The following SLC7A2 variants were observed in gnomAD, a reference collection of about 807,000 sequenced individuals.
The protein encoded by SLC7A2 is solute carrier family 7 member 2.
Under a neutral mutation model 58.9 loss-of-function variants are expected in SLC7A2, and 48 were observed. The observed-to-expected ratio is 0.82, with a 90% CI of 0.65 to 1.04. The LOEUF is 1.04. Among genes scored for constraint, SLC7A2 ranks in the 50% least tolerant of loss-of-function variants. The probability of loss-of-function intolerance (pLI) is 0.00; values close to 1 mark genes in which losing one functional copy is unlikely to be tolerated. For synonymous variants in SLC7A2, 363 were observed against 314.5 expected, an observed-to-expected ratio of 1.15 and a Z score of -1.63; for missense variants, 1,029 against 818.8, an observed-to-expected ratio of 1.26 and a Z score of -3.13.
chr8:17,517,507 A>G (rs1028101520), intron 2 of SLC7A2, among the ~76,000 whole-genome samples: 1 of 152,220 alleles, frequency 6.6e-6, no homozygotes, highest in Admixed American at 6.5e-5. Context: ...TGCTTATTGT[A>G]GGTAACCTTC....
Position 17,543,530 on chromosome 8 carries a change from C to T in SLC7A2, c.191C>T (p.Ser64Leu), listed in dbSNP as rs138935324. 61 of 1,613,126 alleles carry T rather than the reference C, an allele frequency of 3.8e-5. No individual in the cohort carries two copies. The highest frequency in any genetic ancestry group is 5.0e-5 in the Non-Finnish European group (59 of 1,179,558). Residue 64 changes from serine to leucine, a missense_variant, in exon 3 of 13, where the codon TCG becomes TTG. Transcript: ENST00000494857. ...VLAGEVAKAD[S>L]GPSIVVSFLI... ...GCTGGGGAGGTGGCCAAGGCAGACT[C>T]GGGCCCCAGCATCGTGGTGTCCTTC...
intron 2 of SLC7A2, among the ~76,000 whole-genome samples, chr8:17,538,471 T>C (rs1444378303): frequency 6.6e-6 from 1 of 152,240 alleles, no homozygotes. Flanking sequence ...TAATCAAGGC[T>C]GAACAGTTAC....
chr8:17,511,814 A>G (rs992747380), intron 2 of SLC7A2, among the ~76,000 whole-genome samples: 4 of 152,146 alleles, frequency 2.6e-5, no homozygotes, highest in Non-Finnish European at 4.4e-5. Context: ...TTAGACTCTG[A>G]AAGTTAAAAT....
At position 17,568,766 on chromosome 8, in the gene SLC7A2, C is replaced by G. The variant is rs1042111241; in HGVS notation, c.*3620C>G. On this transcript the variant is annotated 3_prime_UTR_variant, in exon 13 of 13. Coordinates refer to ENST00000494857, the MANE Select transcript of SLC7A2 (RefSeq NM_001370338.1). ...ATCGCTTGAGCCCAGGAGTTTAAGA[C>G]CGGCCTGAGTAGCATAGCAAGACCC... The G allele has an allele frequency of 6.6e-6, 1 of 151,752 alleles. No homozygotes were observed. The highest frequency in any genetic ancestry group is 2.4e-5 in the African/African-American group (1 of 41,260). The allele number at this position is 151,752 out of a possible 1,614,324, so 9.4% of individuals were successfully genotyped here.
At chr8:17,536,112 A>C (rs928258725) in intron 2 of SLC7A2, among the ~76,000 whole-genome samples, 12 of 147,958 alleles carry the variant, frequency 8.1e-5, no homozygotes, top group Non-Finnish European at 1.2e-4. Context: ...TTGGCACAAA[A>C]AAAAAAAAAA....
chr8:17,560,126 A>T (rs1802894632), intron 9 of SLC7A2, among the ~76,000 whole-genome samples: 1 of 151,224 alleles, frequency 6.6e-6, no homozygotes, highest in African/African-American at 2.4e-5. Flanking sequence ...CTACTGGGGG[A>T]AATTGGGGTA....
At position 17,550,628 on chromosome 8, in the gene SLC7A2, A is replaced by G. The variant is rs76060851; in HGVS notation, c.832+194A>G. ...AACTCTCTGCCCTTGGTTTCCAGTT[A>G]GTAAGTTTGGGAGAGCAATTCCTAC... On this transcript the variant is annotated intron_variant, in intron 6 of 12. Coordinates refer to ENST00000494857, the MANE Select transcript of SLC7A2 (RefSeq NM_001370338.1). Among the ~76,000 whole-genome samples, 7,561 of 152,308 alleles carry G rather than the reference A, an allele frequency of 0.05. 367 individuals carry two copies. The highest frequency in any genetic ancestry group is 0.12 in the African/African-American group (4,951 of 41,550).
rs371390500 is a variant in SLC7A2 at position 17,530,059 on chromosome 8, C to T, written c.-22-13259C>T. ...ACCCTCTTATCTCTCTTGCCGGCTT[C>T]TCTTGGCAGGTGAATGAGCGGGAGG... On this transcript the variant is annotated intron_variant, in intron 2 of 12. Transcript: ENST00000494857. Among the ~76,000 whole-genome samples the T allele has an allele frequency of 7.2e-5, 11 of 152,254 alleles. No individual in the cohort carries two copies. The East Asian group carries it at 2.1e-3, about 29-fold the overall frequency.
upstream of SLC7A2, among the ~76,000 whole-genome samples, chr8:17,496,048 C>G (rs746149068): frequency 1.8e-4 from 28 of 152,226 alleles, no homozygotes; most frequent in Non-Finnish European, 3.7e-4. Context: ...AAATCTGGCA[C>G]TTTGCCAAAG....
chr8:17,548,984 C>G, intron 5 of SLC7A2, 141 bp downstream of exon 5: 1 of 725,404 alleles, frequency 1.4e-6, no homozygotes, highest in Non-Finnish European at 2.2e-6. Flanking sequence ...TTAATGGACT[C>G]ACAGTTCCAC....
chr8:17,560,527 T>C lies in SLC7A2; in HGVS notation c.1498T>C (p.Phe500Leu). 1 of 1,613,258 alleles carries C rather than the reference T, an allele frequency of 6.2e-7. No homozygotes were observed. ...SASLVSFLVG[F>L]LAFLVLGLSV... is the part of the protein sequence containing the mutation. ...TTCTCTCGTGAGCTTTCTGGTAGGA[T>C]TCCTAGGTAAGTCTTCTTCTCTGCT... Residue 500 changes from phenylalanine to leucine, a missense_variant, in exon 10 of 13, where the codon TTC (phenylalanine) becomes CTC (leucine). Transcript: ENST00000494857.
chr8:17,533,568 T>A (rs1238726509), intron 2 of SLC7A2, among the ~76,000 whole-genome samples: 1 of 152,180 alleles, frequency 6.6e-6, no homozygotes, highest in Non-Finnish European at 1.5e-5. Context: ...GGGATACACT[T>A]TGGCTCTCTT....
At chr8:17,559,775 T>G (rs954857753) in intron 9 of SLC7A2, among the ~76,000 whole-genome samples, 5 of 152,098 alleles carry the variant, frequency 3.3e-5, no homozygotes, top group Non-Finnish European at 7.4e-5. Flanking sequence ...GCTGATGTCT[T>G]GATATAAGCT....
intron 2 of SLC7A2, among the ~76,000 whole-genome samples, chr8:17,524,595 G>T (rs1319816563): frequency 6.6e-6 from 1 of 152,052 alleles, no homozygotes; most frequent in African/African-American, 2.4e-5. Context: ...AGTCACATGT[G>T]GGAGCTAAGC....
In SLC7A2 at chr8:17,568,360, T is replaced by C. The variant is rs1259567518; in HGVS notation, c.*3214T>C. On this transcript the variant is annotated 3_prime_UTR_variant, in exon 13 of 13. Coordinates refer to ENST00000494857, the MANE Select transcript of SLC7A2 (RefSeq NM_001370338.1). ...ATGAGGAAAACTTATATTAGAACTTTTGATATATACTAAAATACTGATTAT... is the reference window on the plus strand; with the variant it reads ...ATGAGGAAAACTTATATTAGAACTTCTGATATATACTAAAATACTGATTAT... 6.6e-6 allele frequency: 1 copy of C among 152,140 alleles called. No individual in the cohort carries two copies. Among genetic ancestry groups the C allele is most frequent in the Admixed American group, 6.5e-5 (1 of 15,274 alleles). The allele number at this position is 152,140 out of a possible 1,614,324, so 9.4% of individuals were successfully genotyped here. A position where few individuals can be genotyped will look rare whatever the true frequency, so the allele number is the denominator to read the frequency against.
chr8:17,562,177 AGTATTTT>A, intron 11 of SLC7A2, 67 bp downstream of exon 11: 8 of 601,570 alleles, frequency 1.3e-5, no homozygotes, highest in East Asian at 1.1e-4. Context: ...TAGTTTGGTA[AGTATTTT>A]TTTTTTTTTT....
chr8:17,538,485 A>G (rs533403297), intron 2 of SLC7A2, among the ~76,000 whole-genome samples: 1 of 152,370 alleles, frequency 6.6e-6, no homozygotes, highest in Non-Finnish European at 1.5e-5. Context: ...CAGTTACCAC[A>G]TGTGATAGTC....
intron 2 of SLC7A2, among the ~76,000 whole-genome samples, chr8:17,540,797 G>A (rs944415482): frequency 3.9e-5 from 6 of 151,918 alleles, no homozygotes; most frequent in African/African-American, 1.5e-4. Context: ...CATAATCACA[G>A]TACCAGGAAA....
intron 2 of SLC7A2, among the ~76,000 whole-genome samples, chr8:17,515,239 GT>G (rs1194013193): frequency 6.6e-6 from 1 of 151,480 alleles, no homozygotes; most frequent in Non-Finnish European, 1.5e-5. Flanking sequence ...ATAGCTTGTG[GT>G]TTTTAATTTT....
Sources: gnomAD v4.1 joint callset for allele counts (sites outside exome capture counted in the v4.1 genomes callset) on GRCh38, gnomAD v4.1.1 for gene constraint, MANE v1.5 for transcripts, NCBI Gene and HGNC (gene_info 2026-07-23, HGNC 2026-07-21) for gene names.